The following TMOD1 variants were observed in gnomAD, a reference collection of about 807,000 sequenced individuals.
TMOD1 encodes tropomodulin-1.
A neutral mutation model predicts 40.6 loss-of-function variants in TMOD1; 17 were observed. The ratio of observed to expected loss-of-function variants is 0.42; its 90% CI spans 0.29 to 0.63. The LOEUF (loss-of-function observed/expected upper bound fraction) is 0.63, where lower values mean the gene tolerates loss of function less well. TMOD1 is among the 20% of genes least tolerant of loss of function. The pLI is 0.22. For missense variants in TMOD1, 391 were observed against 447.6 expected (o/e 0.87, Z 1.14); for synonymous variants, 181 against 175.0 (o/e 1.03, Z -0.27).
chr9:97,586,051 A>G (rs1324126611), intron 8 of TMOD1, among the ~76,000 whole-genome samples: 21 of 151,852 alleles, frequency 1.4e-4, no homozygotes, highest in African/African-American at 4.8e-4. Flanking sequence ...CTGGTGAGGA[A>G]CTGCGTTCCT....
intron 4 of TMOD1, chr9:97,555,288 G>T: frequency 1.1e-6 from 1 of 948,256 alleles, no homozygotes; most frequent in Non-Finnish European, 1.3e-6. Flanking sequence ...AGGCAGGGAG[G>T]TGGCTGATGC....
At chr9:97,543,936 G>T (rs1179644939) in intron 2 of TMOD1, among the ~76,000 whole-genome samples, 1 of 152,174 alleles carries the variant, frequency 6.6e-6, no homozygotes, top group Non-Finnish European at 1.5e-5. Flanking sequence ...GATGTGTGGA[G>T]CATCACTTAT....
At chr9:97,545,279 G>C (rs1306124246) in intron 2 of TMOD1, among the ~76,000 whole-genome samples, 1 of 152,216 alleles carries the variant, frequency 6.6e-6, no homozygotes, top group Non-Finnish European at 1.5e-5. Context: ...CCCCTAATGG[G>C]AGAGTGTGTG....
intron 4 of TMOD1, among the ~76,000 whole-genome samples, chr9:97,556,056 G>C (rs1830531903): frequency 6.6e-6 from 1 of 152,016 alleles, no homozygotes; most frequent in African/African-American, 2.4e-5. Context: ...CTTGGGACTA[G>C]GGGCATGAAG....
At chr9:97,574,056 G>A (rs1421318165) in intron 8 of TMOD1, among the ~76,000 whole-genome samples, 1 of 152,164 alleles carries the variant, frequency 6.6e-6, no homozygotes, top group Non-Finnish European at 1.5e-5. Context: ...ACAGCATGCT[G>A]GCAGCCCTCA....
chr9:97,575,063 C>T (rs534278035), intron 8 of TMOD1, among the ~76,000 whole-genome samples: 19 of 152,320 alleles, frequency 1.2e-4, no homozygotes, highest in African/African-American at 2.6e-4. Flanking sequence ...GGTCCACTTC[C>T]GCACTGTGGA....
At chr9:97,544,477 A>C (rs555446802) in intron 2 of TMOD1, among the ~76,000 whole-genome samples, 2 of 151,108 alleles carry the variant, frequency 1.3e-5, no homozygotes, top group East Asian at 3.9e-4. Flanking sequence ...TGGAGGTTGC[A>C]TTGAGCCGAG....
intron 1 of TMOD1, among the ~76,000 whole-genome samples, chr9:97,512,129 G>C (rs1235366627): frequency 6.6e-6 from 1 of 152,110 alleles, no homozygotes; most frequent in Non-Finnish European, 1.5e-5. Context: ...AAAAGAGAAG[G>C]CCTAATTCAC....
chr9:97,533,370 A>G (rs1363965683), intron 2 of TMOD1, among the ~76,000 whole-genome samples: 1 of 152,248 alleles, frequency 6.6e-6, no homozygotes. Flanking sequence ...TGATTTGTCC[A>G]CTAGAATCTA....
rs1270263081 is a variant in TMOD1 at position 97,564,188 on chromosome 9, C to T, written c.618+20C>T. 16 of 1,569,410 alleles carry T rather than the reference C, an allele frequency of 1.0e-5. No individual in the cohort carries two copies. Among genetic ancestry groups the T allele is most frequent in the Non-Finnish European group, 1.4e-5 (16 of 1,156,356 alleles). On this transcript the variant is annotated intron_variant, in intron 6 of 9. Coordinates refer to ENST00000259365, the MANE Select transcript of TMOD1 (RefSeq NM_003275.4). ...ATCCGGGTAAGGTCCATTTATTTCA[C>T]TTTACCTGTGTGTGGCTGGGGGAGG... is the stretch of plus-strand genomic sequence containing the variant.
At chr9:97,548,300 A>G (rs372198317) in intron 3 of TMOD1, among the ~76,000 whole-genome samples, 8 of 152,180 alleles carry the variant, frequency 5.3e-5, no homozygotes, top group African/African-American at 1.4e-4. Context: ...GGGGGTAGAC[A>G]TTGTGCAGAG....
rs1829505422 is a variant in TMOD1, at chr9:97,501,792, C to G, written c.-60C>G. The G allele has an allele frequency of 6.5e-6, 1 of 152,898 alleles. No homozygotes were observed. The highest frequency in any genetic ancestry group is 2.4e-5 in the African/African-American group (1 of 41,372). The allele number at this position is 152,898 out of a possible 1,614,324, so 9.5% of individuals were successfully genotyped here. A position where few individuals can be genotyped will look rare whatever the true frequency, so the allele number is the denominator to read the frequency against. ...GCCCGCGTCCGCGCCGGCCCCACAG[C>G]TCTGCGTCCGGGTAAGCCCCCACCC... On this transcript the variant is annotated 5_prime_UTR_variant, in exon 1 of 10. Coordinates refer to ENST00000259365, the MANE Select transcript of TMOD1 (RefSeq NM_003275.4).
intron 8 of TMOD1, among the ~76,000 whole-genome samples, chr9:97,578,651 T>TAC (rs1825673025): frequency 6.6e-6 from 1 of 152,180 alleles, no homozygotes; most frequent in African/African-American, 2.4e-5. Context: ...AACTTCCATC[T>TAC]ACACATGGAT....
intron 2 of TMOD1, among the ~76,000 whole-genome samples, chr9:97,532,781 G>A (rs1373470308): frequency 6.6e-6 from 1 of 152,022 alleles, no homozygotes; most frequent in East Asian, 1.9e-4. Flanking sequence ...AAGGAAGATG[G>A]GTCAATTTTC....
At chr9:97,591,253 G>A in intron 8 of TMOD1, 38 bp from the exon 9 acceptor site, 1 of 1,554,448 alleles carries the variant, frequency 6.4e-7, no homozygotes, top group Non-Finnish European at 8.7e-7. Flanking sequence ...AATGAGTGGT[G>A]ATTTTATTTT....
At position 97,591,369 on chromosome 9, in the gene TMOD1, T is replaced by C; in HGVS notation, c.949T>C (p.Tyr317His). The change falls in exon 9 of 10, where the codon TAC becomes CAC. Residue 317 changes from tyrosine to histidine, a missense_variant. Coordinates refer to ENST00000259365, the MANE Select transcript of TMOD1 (RefSeq NM_003275.4). ...EKNATLLKFG[Y>H]HFTQQGPRLR... is the part of the protein sequence containing the mutation. ...AAACGCAACACTTCTCAAATTCGGC[T>C]ACCACTTTACCCAGCAAGGACCCCG... 1 of 1,614,218 alleles carries C rather than the reference T, an allele frequency of 6.2e-7. No homozygotes were observed. Among genetic ancestry groups the C allele is most frequent in the African/African-American group, 1.3e-5 (1 of 75,044 alleles).
intron 8 of TMOD1, among the ~76,000 whole-genome samples, chr9:97,577,182 G>T (rs1025359122): frequency 4.6e-5 from 7 of 152,138 alleles, no homozygotes; most frequent in Non-Finnish European, 8.8e-5. Context: ...CAACCCCTTG[G>T]TCTCTCCCCC....
At chr9:97,525,139 A>G (rs998614939) in intron 2 of TMOD1, among the ~76,000 whole-genome samples, 11 of 152,234 alleles carry the variant, frequency 7.2e-5, no homozygotes, top group Non-Finnish European at 1.3e-4. Context: ...TCCTGGGTAC[A>G]ATGGAAAACA....
At chr9:97,524,025 AT>A in intron 1 of TMOD1, 115 bp from the exon 2 acceptor site, 1 of 696,374 alleles carries the variant, frequency 1.4e-6, no homozygotes, top group East Asian at 2.8e-5. Flanking sequence ...CATAGTAATG[AT>A]TATCCTGGCA....
Sources: gnomAD v4.1 joint callset for allele counts (sites outside exome capture counted in the v4.1 genomes callset) on GRCh38, gnomAD v4.1.1 for gene constraint, MANE v1.5 for transcripts, NCBI Gene and HGNC (gene_info 2026-07-23, HGNC 2026-07-21) for gene names.